ECT2L: variants seen among roughly 807,000 people sequenced by gnomAD.
ECT2L encodes epithelial cell-transforming sequence 2 oncogene-like.
Under a neutral mutation model 122.8 loss-of-function variants are expected in ECT2L, and 126 were observed. The observed-to-expected ratio is 1.03, with a 90% CI of 0.89 to 1.19. ECT2L has a LOEUF of 1.19. Ranked by LOEUF, ECT2L falls within the 50% of genes most tolerant of loss-of-function variation. The probability of loss-of-function intolerance (pLI) is 0.00; values close to 1 mark genes in which losing one functional copy is unlikely to be tolerated. For missense variants in ECT2L, 1,012 were observed against 1,064.1 expected (o/e 0.95, Z 0.68); for synonymous variants, 385 against 381.8 (o/e 1.01, Z -0.10).
chr6:138,866,050 T>G (rs1290002733), intron 12 of ECT2L, among the ~76,000 whole-genome samples: 2 of 152,222 alleles, frequency 1.3e-5, no homozygotes, highest in African/African-American at 2.4e-5. Flanking sequence ...TTTGCCTTCC[T>G]GCTTATTTGT....
At chr6:138,888,317 C>CTTTCT (rs1253741376) in intron 19 of ECT2L, among the ~76,000 whole-genome samples, 17,824 of 128,504 alleles carry the variant, frequency 0.14, 1,274 homozygotes, top group Non-Finnish European at 0.17. Flanking sequence ...TTTTTCTTTT[C>CTTTCT]TTTTTTTTTT....
chr6:138,808,095 T>G (rs969546143), intron 1 of ECT2L, among the ~76,000 whole-genome samples: 1 of 151,624 alleles, frequency 6.6e-6, no homozygotes, highest in African/African-American at 2.4e-5. Context: ...TGGGTTTTCA[T>G]GAGACTGTAT....
intron 1 of ECT2L, among the ~76,000 whole-genome samples, chr6:138,800,925 G>C (rs914543948): frequency 9.2e-5 from 14 of 151,976 alleles, no homozygotes; most frequent in African/African-American, 2.7e-4. Context: ...CTTCCAAGAC[G>C]ATGCCTTGTT....
chr6:138,869,012 C>G (rs1488599386), intron 13 of ECT2L, among the ~76,000 whole-genome samples: 3 of 152,110 alleles, frequency 2.0e-5, no homozygotes, highest in African/African-American at 7.2e-5. Flanking sequence ...ACTAAAAATA[C>G]AAAAACTAGC....
chr6:138,849,668 A>G (rs2128393298), intron 9 of ECT2L, among the ~76,000 whole-genome samples: 1 of 151,494 alleles, frequency 6.6e-6, no homozygotes, highest in South Asian at 2.1e-4. Flanking sequence ...TCCCAGGCTC[A>G]AGTGATCTAC....
At chr6:138,857,296 C>G (rs1364276805) in intron 10 of ECT2L, among the ~76,000 whole-genome samples, 2 of 152,184 alleles carry the variant, frequency 1.3e-5, no homozygotes, top group African/African-American at 4.8e-5. Context: ...GACTTGAGCG[C>G]GCATCCATAT....
At chr6:138,799,095 T>TC (rs1486872273) in intron 1 of ECT2L, among the ~76,000 whole-genome samples, 1 of 152,244 alleles carries the variant, frequency 6.6e-6, no homozygotes, top group African/African-American at 2.4e-5. Context: ...TCACGAATCG[T>TC]CCATTGCTCA....
Position 138,849,324 on chromosome 6 carries a change from T to C in ECT2L, c.959T>C (p.Val320Ala), listed in dbSNP as rs138572067. 6.6e-4 allele frequency: 1,070 copies of C among 1,614,098 alleles called. 4 individuals carry two copies. In the African/African-American group the frequency reaches 0.012, roughly 19 times the overall value. Residue 320 changes from valine to alanine, a missense_variant, in exon 9 of 22, where the codon GTA (valine) becomes GCA (alanine). Val to Ala is a moderately conservative substitution (Grantham distance 64). Transcript: ENST00000541398. ...GTTTCTGTGGTATATGAACACAGCG[T>C]AACCTTGGAAAGCCTTCTGTATCTT... The part of the protein sequence containing the change: ...GVVSVVYEHS[V>A]TLESLLYLIE...
intron 7 of ECT2L, 101 bp from the exon 8 acceptor site, chr6:138,846,438 C>G: frequency 8.5e-7 from 1 of 1,183,088 alleles, no homozygotes; most frequent in Non-Finnish European, 1.1e-6. Flanking sequence ...GGCCACGTGC[C>G]TTGTAGAGTA....
Position 138,865,055 on chromosome 6 carries a change from G to A in ECT2L, c.1351G>A (p.Glu451Lys), listed in dbSNP as rs768754641. 26 of 1,613,880 alleles carry A rather than the reference G, an allele frequency of 1.6e-5. No individual in the cohort carries two copies. Among genetic ancestry groups the A allele is most frequent in the African/African-American group, 6.7e-5 (5 of 74,928 alleles). Reference sequence around the variant, plus strand: ...GGCCCCCTCTTCCATCTACTTCTGCGAATCGAAGCTACAGACGTGGTCCAG... The same window carrying A: ...GGCCCCCTCTTCCATCTACTTCTGCAAATCGAAGCTACAGACGTGGTCCAG... ...GKAPSSIYFC[E>K]SKLQTWSSFT... The change falls in exon 12 of 22, where the codon GAA becomes AAA. Residue 451 changes from glutamate (E) to lysine (K), a missense_variant. By Grantham distance (56) the Glu-to-Lys change is moderately conservative. Transcript: ENST00000541398.
chr6:138,872,192 T>C (rs1170239561), intron 13 of ECT2L, among the ~76,000 whole-genome samples: 1 of 152,196 alleles, frequency 6.6e-6, no homozygotes, highest in African/African-American at 2.4e-5. Flanking sequence ...CCTTTACAGG[T>C]TGAAGCCCTG....
intron 10 of ECT2L, among the ~76,000 whole-genome samples, chr6:138,861,842 T>G (rs2038446): frequency 0.3 from 45,786 of 152,152 alleles, 7,398 homozygotes; most frequent in Admixed American, 0.39. Context: ...TCCATCCTGT[T>G]TTTAACTTTT....
At chr6:138,855,848 C>T (rs929167593) in intron 10 of ECT2L, among the ~76,000 whole-genome samples, 4 of 151,780 alleles carry the variant, frequency 2.6e-5, no homozygotes, top group East Asian at 1.9e-4. Flanking sequence ...TAGAACAAAG[C>T]GAATATTTTA....
At chr6:138,877,057 A>G (rs1259678565) in intron 14 of ECT2L, among the ~76,000 whole-genome samples, 1 of 152,228 alleles carries the variant, frequency 6.6e-6, no homozygotes, top group East Asian at 1.9e-4. Context: ...TCTTCAACAC[A>G]CAAACACACT....
rs929431057 is a variant in ECT2L at position 138,893,163 on chromosome 6, AGTTTTTTTTTGTTTTTTTTTT to A, written c.2414+4153_2414+4173del. Among the ~76,000 whole-genome samples, 35 of 146,008 alleles carry A rather than the reference AGTTTTTTTTTGTTTTTTTTTT, an allele frequency of 2.4e-4. No homozygotes were observed. The East Asian group carries it at 3.2e-3, about 13-fold the overall frequency. On this transcript the variant is annotated intron_variant, in intron 20 of 21. Coordinates refer to ENST00000541398, the MANE Select transcript of ECT2L (RefSeq NM_001077706.3). ...ACTGTGACCTTCACAAGTGCTTCTC[AGTTTTTTTTTGTTTTTTTTTT>A]GTTTTTTTTTGTTTTTTTTTCCCCA...
chr6:138,878,927 G>C (rs1433913337), intron 14 of ECT2L: 2 of 153,432 alleles, frequency 1.3e-5, no homozygotes, highest in Non-Finnish European at 2.9e-5. Context: ...TGAAAGAATA[G>C]AGCAAACTAT....
chr6:138,858,574 C>T (rs1188828), intron 10 of ECT2L, among the ~76,000 whole-genome samples: 151,529 of 152,188 alleles, frequency 1, 75,440 homozygotes, highest in East Asian at 1. Flanking sequence ...AACATATTCA[C>T]TACCCCCAAA....
At chr6:138,885,022 CTTTTTTTTTTTTT>C (rs34579502) in intron 16 of ECT2L, among the ~76,000 whole-genome samples, 2 of 78,850 alleles carry the variant, frequency 2.5e-5, no homozygotes, top group Non-Finnish European at 4.8e-5. Flanking sequence ...AACACACATT[CTTTTTTTTTTTTT>C]TTTTTTTTTT....
chr6:138,835,897 C>CA (rs1173040793), intron 4 of ECT2L, among the ~76,000 whole-genome samples: 1 of 152,228 alleles, frequency 6.6e-6, no homozygotes, highest in East Asian at 1.9e-4. Flanking sequence ...GATCTGCCTT[C>CA]AATGTGGAGC....
Sources: gnomAD v4.1 joint callset for allele counts (sites outside exome capture counted in the v4.1 genomes callset) on GRCh38, gnomAD v4.1.1 for gene constraint, MANE v1.5 for transcripts, NCBI Gene and HGNC (gene_info 2026-07-23, HGNC 2026-07-21) for gene names.